Variants in CCDC63 observed in about 807,000 individuals in gnomAD.
CCDC63 encodes coiled-coil domain-containing protein 63.
In CCDC63, 54 loss-of-function variants were observed where a neutral mutation model predicts 63.6. That is an observed-to-expected ratio of 0.85 (90% confidence interval 0.68 to 1.07). CCDC63 has a LOEUF of 1.07. Ranked by LOEUF, CCDC63 falls within the 50% of genes least tolerant of loss-of-function variation. The pLI is 0.00. For synonymous variants in CCDC63, 253 were observed against 266.1 expected, an observed-to-expected ratio of 0.95 and a Z score of 0.48; for missense variants, 637 against 689.6, an observed-to-expected ratio of 0.92 and a Z score of 0.86.
intron 8 of CCDC63, among the ~76,000 whole-genome samples, chr12:110,891,634 CAAAA>C (rs1167265918): frequency 3.1e-5 from 2 of 65,528 alleles, no homozygotes; most frequent in African/African-American, 1.3e-4. Context: ...GACCCTTTCT[CAAAA>C]AAAAAAAAAA....
At chr12:110,898,773 T>C (rs1443198001) in intron 9 of CCDC63, among the ~76,000 whole-genome samples, 160 bp from the exon 10 acceptor site, 3 of 152,172 alleles carry the variant, frequency 2.0e-5, no homozygotes, top group Non-Finnish European at 4.4e-5. Flanking sequence ...TTCTATTTTA[T>C]TTTATTTCTT....
chr12:110,886,255 C>T (rs1362345221), intron 8 of CCDC63, among the ~76,000 whole-genome samples: 3 of 152,078 alleles, frequency 2.0e-5, no homozygotes, highest in African/African-American at 7.2e-5. Context: ...GGCATAGTGG[C>T]CTGCACCTGC....
At chr12:110,878,822 A>G (rs2136693133) in intron 5 of CCDC63, among the ~76,000 whole-genome samples, 1 of 152,304 alleles carries the variant, frequency 6.6e-6, no homozygotes, top group African/African-American at 2.4e-5. Context: ...TCATCCTTTT[A>G]TTCCATAATG....
intron 3 of CCDC63, among the ~76,000 whole-genome samples, chr12:110,856,448 C>T (rs953549315): frequency 6.6e-6 from 1 of 152,074 alleles, no homozygotes; most frequent in Non-Finnish European, 1.5e-5. Context: ...AGACACTCGC[C>T]CCAGCTTCCC....
chr12:110,895,268 C>T (rs190717660), intron 9 of CCDC63, among the ~76,000 whole-genome samples: 3 of 152,294 alleles, frequency 2.0e-5, no homozygotes, highest in East Asian at 1.9e-4. Context: ...CACGTGCCAC[C>T]ATACCCGGTT....
rs143293259 is a variant in CCDC63, at chr12:110,874,608, C to T, written c.489+647C>T. On this transcript the variant is annotated intron_variant, in intron 5 of 11. Transcript: ENST00000308208. ...GTCCACCTCTCCTCTGAGTGGATTT[C>T]ATTTTTGGGTAGCCCCCAGTGTGAA... Among the ~76,000 whole-genome samples the T allele has an allele frequency of 2.6e-3, 394 of 152,336 alleles. 2 individuals are homozygous for T. Among genetic ancestry groups the T allele is most frequent in the Non-Finnish European group, 4.8e-3 (325 of 68,034 alleles).
chr12:110,856,560 T>TAATTAATTAAAATA (rs2070773430), intron 3 of CCDC63, among the ~76,000 whole-genome samples: 1 of 152,064 alleles, frequency 6.6e-6, no homozygotes, highest in Admixed American at 6.5e-5. Context: ...TTTACATTTG[T>TAATTAATTAAAATA]AATTAATTAA....
intron 10 of CCDC63, among the ~76,000 whole-genome samples, chr12:110,901,215 C>T (rs1230091532): frequency 1.3e-5 from 2 of 152,014 alleles, no homozygotes; most frequent in Non-Finnish European, 1.5e-5. Context: ...GCATGCAGCG[C>T]ACAACAATCA....
intron 4 of CCDC63, among the ~76,000 whole-genome samples, chr12:110,862,782 A>G (rs1373031884): frequency 2.0e-5 from 3 of 148,288 alleles, no homozygotes; most frequent in Non-Finnish European, 4.5e-5. Flanking sequence ...TTTTGAGACC[A>G]TCTCACTCTG....
intron 4 of CCDC63, among the ~76,000 whole-genome samples, chr12:110,871,916 T>A (rs1403034113): frequency 6.6e-6 from 1 of 152,240 alleles, no homozygotes; most frequent in Non-Finnish European, 1.5e-5. Flanking sequence ...TTCAACATTA[T>A]GTCTGCCAAC....
intron 7 of CCDC63, 22 bp downstream of exon 7, chr12:110,881,318 T>C (rs758506629): frequency 1.1e-5 from 17 of 1,604,398 alleles, no homozygotes; most frequent in South Asian, 2.2e-5. Flanking sequence ...AGGAGCAAGC[T>C]TGTGCTCTCT....
rs181934937 is a variant in CCDC63 at position 110,883,113 on chromosome 12, C to G, written c.854-917C>G. Among the ~76,000 whole-genome samples, 22 of 151,690 alleles carry G rather than the reference C, an allele frequency of 1.5e-4. No homozygotes were observed. In the East Asian group the frequency reaches 4.3e-3, roughly 29 times the overall value. On this transcript the variant is annotated intron_variant, in intron 7 of 11. Coordinates refer to ENST00000308208, the MANE Select transcript of CCDC63 (RefSeq NM_152591.3). Reference sequence around the variant, plus strand: ...AGTGCAGTGGCGCAATCTCGGCTCACTGCAACCTCCACCTCCTGGGTTCAA... The same window carrying G: ...AGTGCAGTGGCGCAATCTCGGCTCAGTGCAACCTCCACCTCCTGGGTTCAA...
At chr12:110,864,791 C>T (rs2070918987) in intron 4 of CCDC63, among the ~76,000 whole-genome samples, 1 of 152,052 alleles carries the variant, frequency 6.6e-6, no homozygotes, top group African/African-American at 2.4e-5. Context: ...GGGTGGAGAC[C>T]ACCTTCCCTG....
At position 110,854,570 on chromosome 12, in the gene CCDC63, C is replaced by T. The variant is rs1318927584; in HGVS notation, c.179+996C>T. 2.0e-5 allele frequency among the ~76,000 whole-genome samples: 3 copies of T among 152,130 alleles called. No individual in the cohort carries two copies. The East Asian group carries it at 5.8e-4, about 29-fold the overall frequency. ...TCGGCCTCCTAAAGTGCTGGGATTA[C>T]AGGTGTGAGCCACCATGCCCAGCTG... On this transcript the variant is annotated intron_variant, in intron 3 of 11. Coordinates refer to ENST00000308208, the MANE Select transcript of CCDC63 (RefSeq NM_152591.3).
rs185762612 is a variant in CCDC63 at position 110,892,930 on chromosome 12, G to A, written c.1075-146G>A. 772 of 591,286 alleles carry A rather than the reference G, an allele frequency of 1.3e-3. 4 individuals carry two copies. The highest frequency in any genetic ancestry group is 2.0e-3 in the East Asian group (69 of 34,304). 36.6% of individuals were successfully genotyped at this position (591,286 alleles called of 1,614,324 possible). On this transcript the variant is annotated intron_variant, in intron 8 of 11. Coordinates refer to ENST00000308208, the MANE Select transcript of CCDC63 (RefSeq NM_152591.3). ...GAAGAAAAAAAAATAATAACCCCACGGGCCTAAGAGGGGCCCAGGTGTTTG... is the reference window on the plus strand; with the variant it reads ...GAAGAAAAAAAAATAATAACCCCACAGGCCTAAGAGGGGCCCAGGTGTTTG...
At chr12:110,905,825 C>A in intron 11 of CCDC63, among the ~76,000 whole-genome samples, 1 of 125,868 alleles carries the variant, frequency 7.9e-6, no homozygotes, top group East Asian at 2.2e-4. Flanking sequence ...TGCGTGTGTA[C>A]ACACACACGT....
intron 4 of CCDC63, among the ~76,000 whole-genome samples, chr12:110,866,745 G>C (rs1250435475): frequency 6.7e-6 from 1 of 148,204 alleles, no homozygotes; most frequent in Non-Finnish European, 1.5e-5. Context: ...GCAACCATCC[G>C]ATTTCTCAAT....
upstream of CCDC63, among the ~76,000 whole-genome samples, chr12:110,845,390 C>T (rs116725779): frequency 0.032 from 4,878 of 152,164 alleles, 133 homozygotes; most frequent in African/African-American, 0.073. Flanking sequence ...CGTGGGGCTC[C>T]AGAGACAGGG....
At chr12:110,866,655 T>G (rs374590296) in intron 4 of CCDC63, among the ~76,000 whole-genome samples, 6 of 151,532 alleles carry the variant, frequency 4.0e-5, no homozygotes, top group Admixed American at 6.6e-5. Context: ...AGATCAACAG[T>G]ATCCCAAGGC....
Sources: gnomAD v4.1 joint callset for allele counts (sites outside exome capture counted in the v4.1 genomes callset) on GRCh38, gnomAD v4.1.1 for gene constraint, MANE v1.5 for transcripts, NCBI Gene and HGNC (gene_info 2026-07-23, HGNC 2026-07-21) for gene names.